Variants in MYO10 observed in about 807,000 individuals in gnomAD.
MYO10 encodes the protein unconventional myosin-X.
Under a neutral mutation model 257.3 loss-of-function variants are expected in MYO10, and 133 were observed. That is an observed-to-expected ratio of 0.52 (90% confidence interval 0.45 to 0.60). The LOEUF is 0.60. Among genes scored for constraint, MYO10 ranks in the 20% least tolerant of loss-of-function variants. The probability of loss-of-function intolerance (pLI) is 0.00; values close to 1 mark genes in which losing one functional copy is unlikely to be tolerated. For synonymous variants in MYO10, 1,104 were observed against 1,028.6 expected (o/e 1.07, Z -1.40); for missense variants, 2,399 against 2,635.7 (o/e 0.91, Z 1.97).
At chr5:16,857,544 G>C (rs1743993847) in intron 2 of MYO10, among the ~76,000 whole-genome samples, 1 of 152,182 alleles carries the variant, frequency 6.6e-6, no homozygotes, top group African/African-American at 2.4e-5. Flanking sequence ...TGTTAGAAAT[G>C]CACATTTGCA....
At position 16,866,014 on chromosome 5, in the gene MYO10, A is replaced by AACACACACACACAC. The variant is rs34718010; in HGVS notation, c.120+11581_120+11594dup. On this transcript the variant is annotated intron_variant, in intron 2 of 40. Coordinates refer to ENST00000513610, the MANE Select transcript of MYO10 (RefSeq NM_012334.3). Reference sequence around the variant, plus strand: ...GTTTTATGTCATATTTATTTACCCAAACACACACACACACACACACACACA... The same window carrying AACACACACACACAC: ...GTTTTATGTCATATTTATTTACCCAAACACACACACACACACACACACACACACACACACACACA... 3.5e-3 allele frequency among the ~76,000 whole-genome samples: 483 copies of AACACACACACACAC among 136,548 alleles called. 3 individuals are homozygous for AACACACACACACAC. The highest frequency in any genetic ancestry group is 0.013 in the African/African-American group (461 of 36,018). The allele number at this position is 136,548 out of a possible 152,430, so 89.6% of individuals were successfully genotyped here. A position where few individuals can be genotyped will look rare whatever the true frequency, so the allele number is the denominator to read the frequency against.
At chr5:16,746,492 A>T (rs1463349948) in intron 19 of MYO10, among the ~76,000 whole-genome samples, 4 of 152,194 alleles carry the variant, frequency 2.6e-5, no homozygotes, top group African/African-American at 9.6e-5. Context: ...CCATGCTGCG[A>T]CCAGTGCCTG....
chr5:16,794,047 G>T (rs1423041585), intron 4 of MYO10, among the ~76,000 whole-genome samples: 1 of 151,740 alleles, frequency 6.6e-6, no homozygotes, highest in Non-Finnish European at 1.5e-5. Context: ...AGCTAAAATA[G>T]ACATGCCAAG....
intron 17 of MYO10, among the ~76,000 whole-genome samples, chr5:16,759,166 A>G (rs1579957669): frequency 6.6e-6 from 1 of 151,936 alleles, no homozygotes. Context: ...CAGGTGATCC[A>G]CCCGCCTCGG....
intron 19 of MYO10, among the ~76,000 whole-genome samples, chr5:16,717,917 G>A (rs906144091): frequency 7.9e-5 from 12 of 152,212 alleles, no homozygotes; most frequent in African/African-American, 2.4e-4. Context: ...GCCAAGGCTG[G>A]AGCCCACTCC....
At chr5:16,702,688 A>G (rs1343270960) in intron 23 of MYO10, 100 bp from the exon 24 acceptor site, 2 of 1,195,070 alleles carry the variant, frequency 1.7e-6, no homozygotes, top group East Asian at 2.5e-5. Flanking sequence ...AAAGACAGAA[A>G]GCATGAAAGA....
At chr5:16,786,262 TCTA>T (rs1426457559) in intron 4 of MYO10, among the ~76,000 whole-genome samples, 3 of 152,196 alleles carry the variant, frequency 2.0e-5, no homozygotes, top group African/African-American at 7.2e-5. Context: ...CTCTTCAAAC[TCTA>T]CAGCAGAGGC....
At chr5:16,759,718 TTTTA>T (rs1740642326) in intron 17 of MYO10, among the ~76,000 whole-genome samples, 1 of 152,350 alleles carries the variant, frequency 6.6e-6, no homozygotes, top group Non-Finnish European at 1.5e-5. Context: ...AATACAGGGC[TTTTA>T]TTTAAACGTA....
intron 19 of MYO10, among the ~76,000 whole-genome samples, chr5:16,711,992 TA>T (rs997292064): frequency 2.0e-5 from 3 of 152,056 alleles, no homozygotes; most frequent in Non-Finnish European, 2.9e-5. Context: ...GCAAAGACTT[TA>T]AAGTGTCATA....
chr5:16,816,991 TG>T (rs1742637332), intron 3 of MYO10, among the ~76,000 whole-genome samples: 1 of 152,090 alleles, frequency 6.6e-6, no homozygotes, highest in Non-Finnish European at 1.5e-5. Flanking sequence ...AGCTAGTTTT[TG>T]TATTTTTAGT....
chr5:16,776,201 C>T (rs1416247924), intron 9 of MYO10, among the ~76,000 whole-genome samples: 5 of 152,098 alleles, frequency 3.3e-5, no homozygotes, highest in Admixed American at 1.3e-4. Context: ...CCCGCCTATC[C>T]CCCAATTCTT....
At position 16,882,967 on chromosome 5, in the gene MYO10, A is replaced by G. The variant is rs951379264; in HGVS notation, c.22-5260T>C. ...GTCTCACTCTGTCACCCAGGCTGGA[A>G]TGCAGTAGTGCAATCTCGGCTCACT... is the stretch of plus-strand genomic sequence containing the variant. On this transcript the variant is annotated intron_variant, in intron 1 of 40. Coordinates refer to ENST00000513610, the MANE Select transcript of MYO10 (RefSeq NM_012334.3). 4.0e-4 allele frequency among the ~76,000 whole-genome samples: 59 copies of G among 146,996 alleles called. 1 individual carries two copies. The highest frequency in any genetic ancestry group is 7.8e-4 in the African/African-American group (29 of 37,260).
intron 2 of MYO10, among the ~76,000 whole-genome samples, chr5:16,822,244 C>G (rs1055616318): frequency 2.0e-5 from 3 of 148,368 alleles, no homozygotes; most frequent in Non-Finnish European, 3.0e-5. Flanking sequence ...ACGTGACAAA[C>G]TAAACTTAAA....
At chr5:16,843,349 T>G (rs1478368746) in intron 2 of MYO10, among the ~76,000 whole-genome samples, 12 of 152,236 alleles carry the variant, frequency 7.9e-5, no homozygotes, top group Non-Finnish European at 1.8e-4. Context: ...CATACACACA[T>G]ACATACATAT....
chr5:16,762,143 A>AAAAAAAAAAAAAAAAAAAAAAT, intron 15 of MYO10, 30 bp from the exon 16 acceptor site: 2 of 1,091,652 alleles, frequency 1.8e-6, no homozygotes, highest in Non-Finnish European at 1.2e-6. Context: ...AAAAAAAAAA[A>AAAAAAAAAAAAAAAAAAAAAAT]ATACAATGCC....
At chr5:16,814,361 G>A (rs900763840) in intron 3 of MYO10, among the ~76,000 whole-genome samples, 1 of 151,946 alleles carries the variant, frequency 6.6e-6, no homozygotes, top group Admixed American at 6.6e-5. Flanking sequence ...TGTTAGCCAG[G>A]ATGGTCTCGA....
chr5:16,833,065 C>T (rs930874386), intron 2 of MYO10, among the ~76,000 whole-genome samples: 1 of 152,162 alleles, frequency 6.6e-6, no homozygotes, highest in South Asian at 2.1e-4. Context: ...ATCTTTCAAC[C>T]CAGACCTCTA....
At chr5:16,930,213 C>T (rs1008937344) in intron 1 of MYO10, among the ~76,000 whole-genome samples, 5 of 152,090 alleles carry the variant, frequency 3.3e-5, no homozygotes, top group Non-Finnish European at 5.9e-5. Flanking sequence ...TAGAGGTCAC[C>T]GTGAACTAGA....
rs1045955803 is a variant in MYO10 at position 16,673,822 on chromosome 5, T to C, written c.5032A>G (p.Lys1678Glu). The C allele has an allele frequency of 6.2e-6, 10 of 1,614,032 alleles. No individual in the cohort carries two copies. Among genetic ancestry groups the C allele is most frequent in the South Asian group, 1.1e-5 (1 of 91,076 alleles). Residue 1678 changes from lysine (K) to glutamate (E), a missense_variant, in exon 36 of 41, where the codon AAA (lysine) becomes GAA (glutamate). Physicochemically the swap from Lys to Glu is moderately conservative, Grantham distance 56. Transcript: ENST00000513610. ...YALFTYESLK[K>E]TKCREFVPSR... ...GGCACAAACTCTCGGCATTTGGTTT[T>C]CTTAAGAGATTCGTAAGTGAAGAGA...
Sources: allele counts gnomAD v4.1 joint callset (sites outside exome capture counted in the v4.1 genomes callset), GRCh38; gene constraint gnomAD v4.1.1; transcripts MANE v1.5; gene names NCBI Gene and HGNC (gene_info 2026-07-23, HGNC 2026-07-21).